Variants in NCKAP5 observed in about 807,000 individuals in gnomAD.
NCKAP5 encodes nck-associated protein 5.
NCKAP5 carries 92 observed loss-of-function variants against 167.0 expected under a neutral mutation model. That is an observed-to-expected ratio of 0.55 (90% CI 0.47 to 0.66). NCKAP5 has a LOEUF of 0.66. Ranked by LOEUF, NCKAP5 falls within the 30% of genes least tolerant of loss-of-function variation. The pLI is 0.00. For missense variants in NCKAP5, 2,378 were observed against 2,315.0 expected (o/e 1.03, Z -0.56); for synonymous variants, 891 against 877.4 (o/e 1.02, Z -0.27).
At chr2:132,987,305 C>T (rs2077317082) in intron 7 of NCKAP5, among the ~76,000 whole-genome samples, 1 of 152,146 alleles carries the variant, frequency 6.6e-6, no homozygotes, top group Non-Finnish European at 1.5e-5. Flanking sequence ...GAATTATAGT[C>T]TGTGGAATAA....
intron 5 of NCKAP5, among the ~76,000 whole-genome samples, chr2:133,164,050 A>C (rs2083904947): frequency 6.6e-6 from 1 of 152,240 alleles, no homozygotes; most frequent in African/African-American, 2.4e-5. Context: ...GACAATATAA[A>C]GGAAGTGAGA....
intron 15 of NCKAP5, 117 bp downstream of exon 15, chr2:132,780,935 T>A (rs1682975540): frequency 3.7e-6 from 4 of 1,073,750 alleles, no homozygotes; most frequent in Non-Finnish European, 5.2e-6. Flanking sequence ...TCACTGACCT[T>A]TTCTTTCCCC....
At chr2:133,269,720 T>C (rs1263938947) in intron 4 of NCKAP5, among the ~76,000 whole-genome samples, 1 of 152,240 alleles carries the variant, frequency 6.6e-6, no homozygotes, top group Admixed American at 6.5e-5. Flanking sequence ...ATCATCTGAC[T>C]TTTGTTTAAT....
Position 133,552,413 on chromosome 2 carries a change from C to T in NCKAP5, c.-62+6637G>A, listed in dbSNP as rs775704854. On this transcript the variant is annotated intron_variant, in intron 2 of 19. Coordinates refer to ENST00000409261, the MANE Select transcript of NCKAP5 (RefSeq NM_207363.3). Reference sequence around the variant, plus strand: ...ATATACACCATGGAATACTATGCAGCCATAAAAAATGATGAGTTCGTGTCC... The same window carrying T: ...ATATACACCATGGAATACTATGCAGTCATAAAAAATGATGAGTTCGTGTCC... 4.1e-3 allele frequency among the ~76,000 whole-genome samples: 579 copies of T among 142,118 alleles called. 6 individuals are homozygous for T. The highest frequency in any genetic ancestry group is 5.8e-3 in the Non-Finnish European group (382 of 65,618). 93.2% of individuals were successfully genotyped at this position (142,118 alleles called of 152,430 possible). A position where few individuals can be genotyped will look rare whatever the true frequency, so the allele number is the denominator to read the frequency against.
At chr2:133,084,408 T>C (rs10176860) in intron 6 of NCKAP5, among the ~76,000 whole-genome samples, 32,050 of 152,078 alleles carry the variant, frequency 0.21, 4,063 homozygotes, top group East Asian at 0.58. Flanking sequence ...ACAGGCTTAT[T>C]TTCAAATCTG....
chr2:133,086,078 G>C (rs2080980539), intron 6 of NCKAP5, among the ~76,000 whole-genome samples: 1 of 152,134 alleles, frequency 6.6e-6, no homozygotes, highest in Admixed American at 6.6e-5. Context: ...GGATCAATCA[G>C]TTCACAGCTC....
chr2:133,599,098 C>A, the NCKAP5 span, among the ~76,000 whole-genome samples: 1 of 152,232 alleles, frequency 6.6e-6, no homozygotes, highest in Admixed American at 6.5e-5. Flanking sequence ...TTAGGGTTCA[C>A]CCTAATGTTC....
intron 4 of NCKAP5, among the ~76,000 whole-genome samples, chr2:133,278,782 CAAAAAA>C (rs59725110): frequency 7.4e-5 from 7 of 94,092 alleles, no homozygotes; most frequent in African/African-American, 2.6e-4. Context: ...CCCTAAACTA[CAAAAAA>C]AAAAAAAAAA....
chr2:133,138,599 T>G (rs2149827693), intron 5 of NCKAP5, among the ~76,000 whole-genome samples: 1 of 152,314 alleles, frequency 6.6e-6, no homozygotes, highest in African/African-American at 2.4e-5. Context: ...GTTTCTGTCT[T>G]CCCATTAACT....
At chr2:133,625,042 G>A in the NCKAP5 span, among the ~76,000 whole-genome samples, 11 of 152,248 alleles carry the variant, frequency 7.2e-5, no homozygotes, top group East Asian at 2.1e-3. Context: ...TACAACCTAA[G>A]ATAACACAAC....
At chr2:132,719,938 G>C (rs1391203433) in intron 19 of NCKAP5, among the ~76,000 whole-genome samples, 1 of 152,210 alleles carries the variant, frequency 6.6e-6, no homozygotes, top group Non-Finnish European at 1.5e-5. Context: ...TGTCTGGCAG[G>C]GCTGGTGATT....
intron 3 of NCKAP5, among the ~76,000 whole-genome samples, chr2:133,399,830 TA>T (rs1266022442): frequency 6.6e-6 from 1 of 152,134 alleles, no homozygotes; most frequent in African/African-American, 2.4e-5. Flanking sequence ...TCTCCCAATT[TA>T]AATACACTTA....
intron 7 of NCKAP5, among the ~76,000 whole-genome samples, chr2:132,981,276 C>T (rs1171595073): frequency 6.6e-6 from 1 of 152,066 alleles, no homozygotes; most frequent in African/African-American, 2.4e-5. Context: ...TTCCCAAAGC[C>T]CCTTTGAACC....
chr2:133,060,546 T>C (rs1195294111), intron 6 of NCKAP5, among the ~76,000 whole-genome samples: 1 of 152,194 alleles, frequency 6.6e-6, no homozygotes, highest in Non-Finnish European at 1.5e-5. Context: ...CTCTCTCCCG[T>C]TTTCTAGCCG....
intron 2 of NCKAP5, among the ~76,000 whole-genome samples, chr2:133,533,179 C>T (rs1326117652): frequency 2.0e-5 from 3 of 152,174 alleles, no homozygotes; most frequent in Non-Finnish European, 4.4e-5. Context: ...AACGTAAATG[C>T]GTGAAGCCGC....
chr2:132,910,564 C>T (rs184322189), intron 8 of NCKAP5, among the ~76,000 whole-genome samples: 294 of 152,272 alleles, frequency 1.9e-3, no homozygotes, highest in African/African-American at 6.9e-3. Flanking sequence ...ATAATCACCT[C>T]CAGTTCCATG....
Position 132,915,361 on chromosome 2 carries a change from G to C in NCKAP5, c.580-36445C>G, listed in dbSNP as rs533027113. Among the ~76,000 whole-genome samples, 9 of 152,210 alleles carry C rather than the reference G, an allele frequency of 5.9e-5. No individual in the cohort carries two copies. The East Asian group carries it at 1.2e-3, about 20-fold the overall frequency. Reference sequence around the variant, plus strand: ...GGAGCAGGAGGCTAAAGGGGATGAGGCTGTTTCCAAACATGATTTGGGAAC... The same window carrying C: ...GGAGCAGGAGGCTAAAGGGGATGAGCCTGTTTCCAAACATGATTTGGGAAC... On this transcript the variant is annotated intron_variant, in intron 8 of 19. Coordinates refer to ENST00000409261, the MANE Select transcript of NCKAP5 (RefSeq NM_207363.3).
chr2:133,082,849 G>A (rs968045173), intron 6 of NCKAP5, among the ~76,000 whole-genome samples: 5 of 152,086 alleles, frequency 3.3e-5, no homozygotes, highest in African/African-American at 4.8e-5. Context: ...TTGGTGCTTC[G>A]GGAGCCATTA....
intron 5 of NCKAP5, among the ~76,000 whole-genome samples, chr2:133,154,520 C>A (rs1975218): frequency 0.14 from 21,826 of 152,248 alleles, 1,743 homozygotes; most frequent in East Asian, 0.38. Flanking sequence ...GTCACTTCTG[C>A]AAGGGGCTGA....
Sources: allele counts gnomAD v4.1 joint callset (sites outside exome capture counted in the v4.1 genomes callset), GRCh38; gene constraint gnomAD v4.1.1; transcripts MANE v1.5; gene names NCBI Gene and HGNC (gene_info 2026-07-23, HGNC 2026-07-21).